RARB: variants seen among roughly 807,000 people sequenced by gnomAD.
RARB encodes HBV-activated protein.
RARB carries 17 observed loss-of-function variants against 51.9 expected under a neutral mutation model. That is an observed-to-expected ratio of 0.33 (90% CI 0.22 to 0.49). The LOEUF (loss-of-function observed/expected upper bound fraction) is 0.49. Ranked by LOEUF, RARB falls within the 20% of genes least tolerant of loss-of-function variation. The pLI is 0.99. For synonymous variants in RARB, 215 were observed against 195.4 expected (o/e 1.10, Z -0.84); for missense variants, 369 against 550.8 (o/e 0.67, Z 3.30).
chr3:24,968,638 A>G (rs928784427), intron 2 of RARB, among the ~76,000 whole-genome samples: 23 of 152,124 alleles, frequency 1.5e-4, no homozygotes, highest in African/African-American at 5.6e-4. Context: ...TTATGGGTAC[A>G]TGGATAACAT....
chr3:24,843,076 C>G (rs764179312), intron 1 of RARB, among the ~76,000 whole-genome samples: 3 of 152,168 alleles, frequency 2.0e-5, no homozygotes, highest in Non-Finnish European at 4.4e-5. Context: ...ATCATTACCA[C>G]GAAGGGAAAA....
At chr3:25,293,597 T>TAAAAAAAAAAAAAAAAAAG (rs1703841625) in intron 5 of RARB, among the ~76,000 whole-genome samples, 1 of 68,660 alleles carries the variant, frequency 1.5e-5, no homozygotes, top group Non-Finnish European at 3.1e-5. Context: ...TTACTCCATT[T>TAAAAAAAAAAAAAAAAAAG]AAAAAAAAAA....
chr3:25,076,783 C>A (rs1188544024), intron 3 of RARB, among the ~76,000 whole-genome samples: 5 of 152,098 alleles, frequency 3.3e-5, no homozygotes, highest in Non-Finnish European at 7.4e-5. Context: ...CCACGGAAGT[C>A]TTCATTCAAA....
At position 25,326,491 on chromosome 3, in the gene RARB, G is replaced by C. The variant is rs1363458274; in HGVS notation, c.179-134702G>C. On this transcript the variant is annotated intron_variant, in intron 5 of 11. Coordinates refer to the RARB transcript ENST00000383772. Reference sequence around the variant, plus strand: ...TTTTTAATACTTGGAAATGGCCCAAGTTCCTTTCAAGGGTAGAGAAAAAGT... The same window carrying C: ...TTTTTAATACTTGGAAATGGCCCAACTTCCTTTCAAGGGTAGAGAAAAAGT... Among the ~76,000 whole-genome samples, 6 of 152,190 alleles carry C rather than the reference G, an allele frequency of 3.9e-5. No homozygotes were observed. In the East Asian group the frequency reaches 7.7e-4, roughly 20 times the overall value.
chr3:25,422,386 A>T (rs1001434581), intron 5 of RARB, among the ~76,000 whole-genome samples: 2 of 152,218 alleles, frequency 1.3e-5, no homozygotes, highest in African/African-American at 4.8e-5. Context: ...ATTCACGTGG[A>T]ATAGCATAGG....
chr3:25,050,335 C>T (rs1698304769), intron 2 of RARB, among the ~76,000 whole-genome samples: 3 of 152,030 alleles, frequency 2.0e-5, no homozygotes, highest in African/African-American at 7.2e-5. Context: ...TGACCAAAGT[C>T]ATCATGAAAT....
At chr3:24,930,867 G>A (rs564889590) in intron 2 of RARB, among the ~76,000 whole-genome samples, 47 of 152,112 alleles carry the variant, frequency 3.1e-4, no homozygotes, top group African/African-American at 1.0e-3. Flanking sequence ...TTAAAAAATA[G>A]CCAGGTGTGG....
intron 2 of RARB, among the ~76,000 whole-genome samples, chr3:24,941,734 AT>A (rs1373969334): frequency 6.6e-6 from 1 of 152,116 alleles, no homozygotes; most frequent in African/African-American, 2.4e-5. Context: ...TCTTTGCCTC[AT>A]TTTTCTGTGG....
intron 2 of RARB, among the ~76,000 whole-genome samples, chr3:24,882,651 A>G (rs997270121): frequency 1.3e-5 from 2 of 152,184 alleles, no homozygotes; most frequent in African/African-American, 4.8e-5. Flanking sequence ...CTAGAGAAGA[A>G]CAGAGTTGCT....
intron 4 of RARB, among the ~76,000 whole-genome samples, chr3:25,162,226 C>T (rs560485102): frequency 6.6e-6 from 1 of 152,290 alleles, no homozygotes; most frequent in East Asian, 1.9e-4. Context: ...CCATCAACCT[C>T]TCAAGTAGCT....
chr3:25,340,025 T>A (rs1198911509), intron 5 of RARB, among the ~76,000 whole-genome samples: 2 of 152,098 alleles, frequency 1.3e-5, no homozygotes, highest in Non-Finnish European at 2.9e-5. Flanking sequence ...GCCATGGACA[T>A]ATGAAAAAGA....
intron 5 of RARB, among the ~76,000 whole-genome samples, chr3:25,365,620 C>G (rs1188122226): frequency 6.6e-6 from 1 of 152,096 alleles, no homozygotes; most frequent in African/African-American, 2.4e-5. Context: ...AAAAAAATGT[C>G]CAAAGTCCAA....
chr3:24,882,265 C>T (rs1191835620), intron 2 of RARB, among the ~76,000 whole-genome samples: 2 of 152,118 alleles, frequency 1.3e-5, no homozygotes, highest in East Asian at 3.9e-4. Flanking sequence ...CCTTTGTACC[C>T]GTGAATTCTG....
At chr3:25,264,986 G>A (rs908001391) in intron 5 of RARB, among the ~76,000 whole-genome samples, 1 of 152,140 alleles carries the variant, frequency 6.6e-6, no homozygotes, top group African/African-American at 2.4e-5. Context: ...CACAGATAAA[G>A]CTCTCAGAAA....
At chr3:25,354,177 C>A (rs1220975621) in intron 5 of RARB, among the ~76,000 whole-genome samples, 1 of 152,042 alleles carries the variant, frequency 6.6e-6, no homozygotes, top group Non-Finnish European at 1.5e-5. Flanking sequence ...ACCCTCCAAA[C>A]TGCCTGGCGG....
intron 4 of RARB, among the ~76,000 whole-genome samples, chr3:25,173,680 A>G (rs912034209): frequency 9.9e-5 from 15 of 152,206 alleles, no homozygotes; most frequent in African/African-American, 2.2e-4. Flanking sequence ...CATTCATTCA[A>G]CTAATACATA....
chr3:25,419,825 T>C (rs1559393067), intron 5 of RARB, among the ~76,000 whole-genome samples: 1 of 152,244 alleles, frequency 6.6e-6, no homozygotes, highest in East Asian at 1.9e-4. Flanking sequence ...CCCATGCTTA[T>C]GTGTTACCTT....
intron 3 of RARB, among the ~76,000 whole-genome samples, chr3:25,083,305 A>T (rs1397198833): frequency 6.6e-6 from 1 of 152,042 alleles, no homozygotes; most frequent in Admixed American, 6.6e-5. Flanking sequence ...AACCTATTTT[A>T]TGTTGTCCCA....
chr3:25,194,122 G>C (rs527272537), intron 5 of RARB, among the ~76,000 whole-genome samples: 3 of 151,924 alleles, frequency 2.0e-5, no homozygotes, highest in South Asian at 4.1e-4. Flanking sequence ...GATAAATCTG[G>C]AGAACATTAT....
Sources: gnomAD v4.1 joint callset for allele counts (sites outside exome capture counted in the v4.1 genomes callset) on GRCh38, gnomAD v4.1.1 for gene constraint, MANE v1.5 for transcripts, NCBI Gene and HGNC (gene_info 2026-07-23, HGNC 2026-07-21) for gene names.